Variants in ITCH observed in about 807,000 individuals in gnomAD.
ITCH encodes the protein E3 ubiquitin-protein ligase Itchy homolog.
A neutral mutation model predicts 126.8 loss-of-function variants in ITCH; 28 were observed. The observed-to-expected ratio is 0.22, with a 90% CI of 0.16 to 0.30. ITCH has a LOEUF of 0.30. Ranked by LOEUF, ITCH falls within the 10% of genes least tolerant of loss-of-function variation. The pLI, the probability that ITCH is intolerant of heterozygous loss-of-function variation, is 1.00. For missense variants in ITCH, 631 were observed against 1,032.4 expected (o/e 0.61, Z 5.33); for synonymous variants, 342 against 340.0 (o/e 1.01, Z -0.06).
intron 14 of ITCH, among the ~76,000 whole-genome samples, chr20:34,463,471 A>G (rs1182918393): frequency 2.6e-5 from 4 of 152,158 alleles, no homozygotes; most frequent in Admixed American, 1.3e-4. Flanking sequence ...TTTTGTATCT[A>G]TTGCTGGATT....
chr20:34,416,186 G>C (rs543141433), intron 6 of ITCH, among the ~76,000 whole-genome samples: 3 of 152,142 alleles, frequency 2.0e-5, no homozygotes, highest in South Asian at 4.1e-4. Context: ...ATCACCTAAG[G>C]TTGGGAGTTT....
In ITCH at chr20:34,396,578, G is replaced by A. The variant is rs78475348; in HGVS notation, c.70+2697G>A. Among the ~76,000 whole-genome samples, 1,368 of 151,632 alleles carry A rather than the reference G, an allele frequency of 9.0e-3. 21 individuals are homozygous for A. Among genetic ancestry groups the A allele is most frequent in the African/African-American group, 0.031 (1,294 of 41,330 alleles). On this transcript the variant is annotated intron_variant, in intron 3 of 24. Coordinates refer to ENST00000374864, the MANE Select transcript of ITCH (RefSeq NM_031483.7). ...GGCTGGAGTGTAGTGGTGCAGTCATGGCTGACTGCAATCTCTAACTTCTAG... is the reference window on the plus strand; with the variant it reads ...GGCTGGAGTGTAGTGGTGCAGTCATAGCTGACTGCAATCTCTAACTTCTAG...
chr20:34,503,878 T>TG (rs1990438831), intron 23 of ITCH, among the ~76,000 whole-genome samples: 2 of 114,282 alleles, frequency 1.8e-5, no homozygotes, highest in African/African-American at 3.0e-5. Context: ...TGGTTTTTTT[T>TG]TTTTTGGTTT....
chr20:34,375,501 A>C (rs1389148414), intron 2 of ITCH, among the ~76,000 whole-genome samples: 1 of 151,956 alleles, frequency 6.6e-6, no homozygotes, highest in African/African-American at 2.4e-5. Flanking sequence ...TGAGAGGCTA[A>C]GGCAGGAGGA....
At chr20:34,464,898 A>T (rs1986901314) in intron 14 of ITCH, among the ~76,000 whole-genome samples, 1 of 151,922 alleles carries the variant, frequency 6.6e-6, no homozygotes, top group Non-Finnish European at 1.5e-5. Context: ...TTTAGTAGAG[A>T]CGGGGTTTCA....
intron 6 of ITCH, among the ~76,000 whole-genome samples, chr20:34,421,352 T>C (rs1165120852): frequency 6.6e-6 from 1 of 152,184 alleles, no homozygotes; most frequent in African/African-American, 2.4e-5. Context: ...ACGCTTTATC[T>C]AGGAGCTAGT....
intron 5 of ITCH, 118 bp from the exon 6 acceptor site, chr20:34,413,624 A>C: frequency 1.1e-6 from 1 of 888,050 alleles, no homozygotes; most frequent in South Asian, 1.9e-5. Flanking sequence ...AACAGTTTAT[A>C]TGCACATATA....
At chr20:34,384,975 AT>A (rs2038218436) in intron 2 of ITCH, among the ~76,000 whole-genome samples, 1 of 151,488 alleles carries the variant, frequency 6.6e-6, no homozygotes, top group African/African-American at 2.4e-5. Context: ...AGGGTCTTAT[AT>A]TTTGAGAATG....
intron 20 of ITCH, among the ~76,000 whole-genome samples, chr20:34,482,354 C>T (rs6058059): frequency 0.45 from 68,046 of 152,134 alleles, 15,789 homozygotes; most frequent in Non-Finnish European, 0.5. Context: ...AAGTCCCTTC[C>T]GCCTATGAGC....
intron 13 of ITCH, among the ~76,000 whole-genome samples, chr20:34,458,029 A>G (rs563267530): frequency 6.6e-6 from 1 of 152,308 alleles, no homozygotes; most frequent in Non-Finnish European, 1.5e-5. Context: ...ATTATTTTTA[A>G]TTACTAAGAA....
chr20:34,477,575 T>C (rs1323682330), intron 16 of ITCH, among the ~76,000 whole-genome samples, 197 bp from the exon 17 acceptor site: 1 of 152,098 alleles, frequency 6.6e-6, no homozygotes, highest in Non-Finnish European at 1.5e-5. Flanking sequence ...TATAAAAATA[T>C]AGATGTATAT....
intron 14 of ITCH, among the ~76,000 whole-genome samples, chr20:34,467,754 C>G (rs1600416611): frequency 7.1e-6 from 1 of 141,632 alleles, no homozygotes; most frequent in Admixed American, 7.5e-5. Flanking sequence ...AGCCCAATCT[C>G]GGCTCACCGC....
chr20:34,438,942 A>T (rs1983390576), intron 8 of ITCH, among the ~76,000 whole-genome samples: 1 of 152,244 alleles, frequency 6.6e-6, no homozygotes, highest in African/African-American at 2.4e-5. Flanking sequence ...TATAACATAA[A>T]TGTATTAAAT....
intron 2 of ITCH, among the ~76,000 whole-genome samples, chr20:34,382,551 G>A (rs1247853124): frequency 6.6e-6 from 1 of 150,848 alleles, no homozygotes; most frequent in African/African-American, 2.4e-5. Context: ...AATTACAGGC[G>A]CCTGCCACCA....
chr20:34,458,610 C>T (rs1184430080), intron 13 of ITCH, among the ~76,000 whole-genome samples: 1 of 152,160 alleles, frequency 6.6e-6, no homozygotes. Flanking sequence ...AGCTTGAGAT[C>T]ACGATGTCAG....
intron 2 of ITCH, 142 bp downstream of exon 2, chr20:34,369,612 C>T (rs2122966941): frequency 2.5e-6 from 1 of 392,580 alleles, no homozygotes; most frequent in East Asian, 3.6e-5. Flanking sequence ...TCACTTGGTT[C>T]TGAAACCCAA....
At chr20:34,427,079 A>G (rs990242310) in intron 7 of ITCH, among the ~76,000 whole-genome samples, 6 of 152,184 alleles carry the variant, frequency 3.9e-5, no homozygotes, top group Admixed American at 6.5e-5. Flanking sequence ...TGGCCAATAT[A>G]TGAAGGTTTT....
chr20:34,388,198 A>G (rs2038359485), intron 2 of ITCH, among the ~76,000 whole-genome samples: 1 of 151,598 alleles, frequency 6.6e-6, no homozygotes, highest in Non-Finnish European at 1.5e-5. Context: ...CCTGAGTTCA[A>G]GCGGTCCTCC....
At chr20:34,479,873 G>A (rs1988568642) in intron 18 of ITCH, 84 bp downstream of exon 18, 1 of 1,210,582 alleles carries the variant, frequency 8.3e-7, no homozygotes, top group South Asian at 1.2e-5. Flanking sequence ...GATCATATGA[G>A]AGAAAGGGAA....
Sources: gnomAD v4.1 joint callset for allele counts (sites outside exome capture counted in the v4.1 genomes callset) on GRCh38, gnomAD v4.1.1 for gene constraint, MANE v1.5 for transcripts, NCBI Gene and HGNC (gene_info 2026-07-23, HGNC 2026-07-21) for gene names.